KIAA1217: variants seen among roughly 807,000 people sequenced by gnomAD.
KIAA1217 encodes the protein KIAA1217.
Under a neutral mutation model 163.9 loss-of-function variants are expected in KIAA1217, and 88 were observed. The ratio of observed to expected loss-of-function variants is 0.54; its 90% CI spans 0.45 to 0.64. KIAA1217 has a LOEUF of 0.64. KIAA1217 is among the 30% of genes least tolerant of loss of function. The pLI is 0.00. For synonymous variants in KIAA1217, 903 were observed against 923.1 expected, an observed-to-expected ratio of 0.98 and a Z score of 0.39; for missense variants, 2,372 against 2,475.0, an observed-to-expected ratio of 0.96 and a Z score of 0.88.
At chr10:24,317,780 G>A (rs528047129) in intron 2 of KIAA1217, among the ~76,000 whole-genome samples, 33 of 152,244 alleles carry the variant, frequency 2.2e-4, no homozygotes, top group Admixed American at 1.3e-4. Flanking sequence ...TAACAGCTCC[G>A]TTTATTAAGT....
intron 2 of KIAA1217, among the ~76,000 whole-genome samples, chr10:24,244,946 T>A (rs6482375): frequency 1.3e-5 from 2 of 152,102 alleles, no homozygotes; most frequent in South Asian, 2.1e-4. Flanking sequence ...GTCTTCAACT[T>A]CCTGGTTGTA....
intron 1 of KIAA1217, among the ~76,000 whole-genome samples, chr10:23,954,055 T>C (rs941966562): frequency 1.3e-5 from 2 of 152,188 alleles, no homozygotes; most frequent in African/African-American, 2.4e-5. Context: ...TGAAAATGCA[T>C]TTGTGTAATA....
At chr10:24,520,651 A>AAAT (rs1554926857) in intron 11 of KIAA1217, among the ~76,000 whole-genome samples, 9 of 39,664 alleles carry the variant, frequency 2.3e-4, no homozygotes, top group African/African-American at 6.2e-4. Flanking sequence ...AAAAAAAAAA[A>AAAT]ATATATATAT....
chr10:23,932,315 C>A (rs547121788), intron 1 of KIAA1217, among the ~76,000 whole-genome samples: 1 of 152,072 alleles, frequency 6.6e-6, no homozygotes, highest in African/African-American at 2.4e-5. Flanking sequence ...GCTTAGCTCT[C>A]GCTTATTTAA....
At chr10:23,703,493 C>T (rs1017343363) in intron 1 of KIAA1217, among the ~76,000 whole-genome samples, 2 of 152,096 alleles carry the variant, frequency 1.3e-5, no homozygotes, top group Non-Finnish European at 2.9e-5. Context: ...ATTTGAGATA[C>T]GCTGGCTCTC....
At chr10:24,148,265 T>C (rs978955783) in intron 2 of KIAA1217, among the ~76,000 whole-genome samples, 3 of 152,168 alleles carry the variant, frequency 2.0e-5, no homozygotes, top group Admixed American at 6.5e-5. Context: ...AACACTTATG[T>C]AGTATTATGT....
chr10:23,735,311 G>C (rs1420951822), intron 1 of KIAA1217, among the ~76,000 whole-genome samples: 1 of 151,976 alleles, frequency 6.6e-6, no homozygotes, highest in Non-Finnish European at 1.5e-5. Flanking sequence ...TCAGCTCACT[G>C]CAACCTCCAC....
At chr10:24,345,823 A>G (rs551917572) in intron 2 of KIAA1217, among the ~76,000 whole-genome samples, 1 of 152,292 alleles carries the variant, frequency 6.6e-6, no homozygotes, top group South Asian at 2.1e-4. Flanking sequence ...TAAAATACAC[A>G]TAACGTAAAA....
At chr10:24,067,339 G>C (rs977737692) in intron 2 of KIAA1217, among the ~76,000 whole-genome samples, 1 of 152,188 alleles carries the variant, frequency 6.6e-6, no homozygotes, top group Non-Finnish European at 1.5e-5. Context: ...TGTCCTTTCT[G>C]TTTGTTAGTT....
intron 1 of KIAA1217, among the ~76,000 whole-genome samples, chr10:23,952,772 G>T (rs1844397820): frequency 6.6e-6 from 1 of 152,202 alleles, no homozygotes. Flanking sequence ...AAAGTATTCT[G>T]TAGATGTAAG....
Position 24,090,380 on chromosome 10 carries a change from A to C in KIAA1217, c.-171+83006A>C, listed in dbSNP as rs545257862. 1.6e-4 allele frequency among the ~76,000 whole-genome samples: 17 copies of C among 105,294 alleles called. No individual in the cohort carries two copies. The South Asian group carries it at 5.1e-3, about 32-fold the overall frequency. The allele number at this position is 105,294 out of a possible 152,430, so 69.1% of individuals were successfully genotyped here. On this transcript the variant is annotated intron_variant, in intron 2 of 18. Transcript: ENST00000376462. ...TTTTTTGAAGAGACAGGGTCTTGCT[A>C]TATTACCCAGGCTGGTCTCAAACTC... is the stretch of plus-strand genomic sequence containing the variant.
intron 1 of KIAA1217, among the ~76,000 whole-genome samples, chr10:23,711,219 A>G (rs1195574567): frequency 1.3e-5 from 2 of 152,186 alleles, no homozygotes; most frequent in East Asian, 1.9e-4. Context: ...AGATGTCCAC[A>G]TTCTAATTCC....
Position 23,789,981 on chromosome 10 carries a change from A to ATACACATATACATATACATATATG in KIAA1217, c.-321+94747_-321+94748insTACACATATACATATACATATATG, listed in dbSNP as rs1835676930. ...TATACACATATACATATACATATAT[A>ATACACATATACATATACATATATG]CACATATACATATACACATATGCAC... is the stretch of plus-strand genomic sequence containing the variant. On this transcript the variant is annotated intron_variant, in intron 1 of 18. Transcript: ENST00000376462. Among the ~76,000 whole-genome samples the ATACACATATACATATACATATATG allele has an allele frequency of 4.0e-5, 5 of 123,652 alleles. 2 individuals carry two copies. The highest frequency in any genetic ancestry group is 3.4e-4 in the Admixed American group (4 of 11,724). The allele number at this position is 123,652 out of a possible 152,430, so 81.1% of individuals were successfully genotyped here.
chr10:24,239,697 TTG>T (rs371741568), intron 2 of KIAA1217, among the ~76,000 whole-genome samples: 54 of 80,860 alleles, frequency 6.7e-4, no homozygotes, highest in African/African-American at 9.1e-4. Flanking sequence ...GTGTGTGTGT[TTG>T]TGTGTGTGTG....
chr10:24,284,104 T>C (rs2078281497), intron 2 of KIAA1217, among the ~76,000 whole-genome samples: 1 of 152,078 alleles, frequency 6.6e-6, no homozygotes, highest in Non-Finnish European at 1.5e-5. Flanking sequence ...GAGACAGGGT[T>C]TCAGCATGTT....
intron 5 of KIAA1217, among the ~76,000 whole-genome samples, chr10:24,469,121 T>G (rs1378886766): frequency 6.6e-6 from 1 of 152,058 alleles, no homozygotes; most frequent in African/African-American, 2.4e-5. Flanking sequence ...TTATTTTATT[T>G]TATTTTACTT....
At chr10:24,266,598 A>T (rs554669265) in intron 2 of KIAA1217, among the ~76,000 whole-genome samples, 1 of 152,198 alleles carries the variant, frequency 6.6e-6, no homozygotes, top group South Asian at 2.1e-4. Context: ...CTCTGTAGCT[A>T]GCAAGAGGAT....
At chr10:24,162,311 ACT>A (rs2065156125) in intron 2 of KIAA1217, among the ~76,000 whole-genome samples, 1 of 152,082 alleles carries the variant, frequency 6.6e-6, no homozygotes, top group East Asian at 1.9e-4. Flanking sequence ...TGTATTCACT[ACT>A]CTCTGTGAAC....
intron 2 of KIAA1217, among the ~76,000 whole-genome samples, chr10:24,104,197 A>G (rs1589511717): frequency 6.6e-6 from 1 of 152,308 alleles, no homozygotes; most frequent in East Asian, 1.9e-4. Flanking sequence ...ACTTCTATCC[A>G]CATAAAACCT....
Sources: allele counts gnomAD v4.1 joint callset (sites outside exome capture counted in the v4.1 genomes callset), GRCh38; gene constraint gnomAD v4.1.1; transcripts MANE v1.5; gene names NCBI Gene and HGNC (gene_info 2026-07-23, HGNC 2026-07-21).